The following MYOZ2 variants were observed in gnomAD, a reference collection of about 807,000 sequenced individuals.
MYOZ2 encodes myozenin 2, also known as myozenin-2.
MYOZ2 carries 19 observed loss-of-function variants against 25.4 expected under a neutral mutation model. The ratio of observed to expected loss-of-function variants is 0.75; its 90% CI spans 0.52 to 1.10. The LOEUF is 1.10. Among genes scored for constraint, MYOZ2 ranks in the 50% least tolerant of loss-of-function variants. MYOZ2 has a pLI of 0.00. For synonymous variants in MYOZ2, 92 were observed against 106.9 expected (o/e 0.86, Z 0.86); for missense variants, 270 against 317.9 (o/e 0.85, Z 1.15).
intron 2 of MYOZ2, among the ~76,000 whole-genome samples, chr4:119,143,927 GT>G (rs1441106711): frequency 6.6e-6 from 1 of 151,980 alleles, no homozygotes; most frequent in Admixed American, 6.6e-5. Context: ...GATAATCATA[GT>G]TTCACCTGCA....
intron 2 of MYOZ2, among the ~76,000 whole-genome samples, chr4:119,138,340 G>T (rs1447536340): frequency 2.0e-5 from 3 of 152,142 alleles, no homozygotes; most frequent in Admixed American, 6.6e-5. Flanking sequence ...CATCCCAGAT[G>T]AAATAACTTC....
chr4:119,145,544 G>GTGTGTGTC (rs1221290564), intron 2 of MYOZ2, among the ~76,000 whole-genome samples: 1 of 134,670 alleles, frequency 7.4e-6, no homozygotes, highest in Non-Finnish European at 1.6e-5. Context: ...GTGTGTGTGT[G>GTGTGTGTC]TGTGTTTTTG....
At chr4:119,174,263 G>T (rs2149228038) in intron 5 of MYOZ2, among the ~76,000 whole-genome samples, 1 of 152,372 alleles carries the variant, frequency 6.6e-6, no homozygotes, top group East Asian at 1.9e-4. Flanking sequence ...GTCTGGTGGG[G>T]CCTTGGAGAA....
chr4:119,145,731 A>T (rs1375677665), intron 2 of MYOZ2, among the ~76,000 whole-genome samples: 1 of 152,090 alleles, frequency 6.6e-6, no homozygotes, highest in Non-Finnish European at 1.5e-5. Flanking sequence ...TACCTTAATG[A>T]AATGAACTAG....
At chr4:119,166,313 A>G (rs975577583) in intron 5 of MYOZ2, among the ~76,000 whole-genome samples, 3 of 152,074 alleles carry the variant, frequency 2.0e-5, no homozygotes, top group Non-Finnish European at 4.4e-5. Flanking sequence ...AGGCTGGGGT[A>G]CATGCCTGTA....
chr4:119,172,508 T>G (rs1397915408), intron 5 of MYOZ2, among the ~76,000 whole-genome samples: 1 of 152,186 alleles, frequency 6.6e-6, no homozygotes, highest in Non-Finnish European at 1.5e-5. Flanking sequence ...AGTTTATTGA[T>G]CTGAGTGGTG....
chr4:119,186,061 T>TTATG lies in MYOZ2; in HGVS notation c.658_661dup (p.Ser221TyrfsTer14). On this transcript the variant is annotated frameshift_variant, in exon 6 of 6. Coordinates refer to ENST00000307128, the MANE Select transcript of MYOZ2 (RefSeq NM_016599.5). LOFTEE classifies it high-confidence loss of function. ...CTACTATTGCTAACAGATCCCAGGT[T>TTATG]TATGTCCTTTGTCAATCCCCTTTCT... is the stretch of plus-strand genomic sequence containing the variant. 1.9e-6 allele frequency: 3 copies of TTATG among 1,614,078 alleles called. No homozygotes were observed. The highest frequency in any genetic ancestry group is 2.5e-6 in the Non-Finnish European group (3 of 1,179,978).
At chr4:119,164,438 A>G in intron 5 of MYOZ2, 44 bp downstream of exon 5, 1 of 1,597,676 alleles carries the variant, frequency 6.3e-7, no homozygotes, top group Non-Finnish European at 8.6e-7. Context: ...TGCAATACCA[A>G]AATTTTTTCA....
chr4:119,177,395 A>T (rs948407909), intron 5 of MYOZ2, among the ~76,000 whole-genome samples: 2 of 152,208 alleles, frequency 1.3e-5, no homozygotes, highest in Non-Finnish European at 2.9e-5. Flanking sequence ...GCACTGCCAG[A>T]CAATCCAACA....
intron 5 of MYOZ2, 55 bp from the exon 6 acceptor site, chr4:119,185,911 A>T: frequency 7.0e-7 from 1 of 1,435,728 alleles, no homozygotes; most frequent in Non-Finnish European, 9.7e-7. Flanking sequence ...ATTGTTTTCT[A>T]TTTTGACAAA....
intron 2 of MYOZ2, among the ~76,000 whole-genome samples, chr4:119,138,566 T>A (rs1408036560): frequency 1.3e-5 from 2 of 152,320 alleles, no homozygotes; most frequent in East Asian, 3.9e-4. Context: ...AAAATCTGGA[T>A]AATTTAAGAT....
chr4:119,148,478 A>G (rs1317174650), intron 2 of MYOZ2, among the ~76,000 whole-genome samples: 1 of 152,102 alleles, frequency 6.6e-6, no homozygotes, highest in African/African-American at 2.4e-5. Context: ...CTTCAATGAC[A>G]TGAATGCTAT....
At chr4:119,173,874 C>T (rs1240630182) in intron 5 of MYOZ2, among the ~76,000 whole-genome samples, 3 of 152,224 alleles carry the variant, frequency 2.0e-5, no homozygotes, top group Non-Finnish European at 4.4e-5. Flanking sequence ...GGGCCCCGCA[C>T]TCGGAGCAGC....
chr4:119,166,285 G>C (rs1032693195), intron 5 of MYOZ2, among the ~76,000 whole-genome samples: 43 of 152,034 alleles, frequency 2.8e-4, no homozygotes, highest in African/African-American at 1.0e-3. Flanking sequence ...AGCGTATGTA[G>C]GCCAGGTGCG....
intron 2 of MYOZ2, among the ~76,000 whole-genome samples, chr4:119,149,083 C>T (rs899597515): frequency 6.7e-6 from 1 of 149,106 alleles, no homozygotes; most frequent in Non-Finnish European, 1.5e-5. Context: ...TTATCTGACA[C>T]TGCTCCAGCA....
intron 5 of MYOZ2, among the ~76,000 whole-genome samples, chr4:119,177,459 T>TG: frequency 6.6e-6 from 1 of 152,132 alleles, no homozygotes; most frequent in African/African-American, 2.4e-5. Flanking sequence ...CAATTCAAAT[T>TG]TTCTAGGACA....
chr4:119,185,932 A>T, intron 5 of MYOZ2, 34 bp from the exon 6 acceptor site: 1 of 1,521,994 alleles, frequency 6.6e-7, no homozygotes, highest in Non-Finnish European at 9.0e-7. Flanking sequence ...TTTGAATATT[A>T]ATTGAGATCT....
intron 5 of MYOZ2, among the ~76,000 whole-genome samples, chr4:119,179,654 A>G (rs750772826): frequency 6.6e-6 from 1 of 152,180 alleles, no homozygotes; most frequent in Non-Finnish European, 1.5e-5. Context: ...GTGCAGCTGT[A>G]ACAAAATATC....
chr4:119,139,406 A>G (rs1741110623), intron 2 of MYOZ2, among the ~76,000 whole-genome samples: 1 of 152,182 alleles, frequency 6.6e-6, no homozygotes, highest in South Asian at 2.1e-4. Flanking sequence ...TCTATGCATG[A>G]ATTAGTTGTG....
Sources: allele counts gnomAD v4.1 joint callset (sites outside exome capture counted in the v4.1 genomes callset), GRCh38; gene constraint gnomAD v4.1.1; transcripts MANE v1.5; gene names NCBI Gene and HGNC (gene_info 2026-07-23, HGNC 2026-07-21).